Variants in SDK1 observed in about 807,000 individuals in gnomAD.
SDK1 encodes the protein sidekick cell adhesion molecule 1.
Under a neutral mutation model 245.5 loss-of-function variants are expected in SDK1, and 157 were observed. That is an observed-to-expected ratio of 0.64 (90% CI 0.56 to 0.73). The LOEUF is 0.73. Ranked by LOEUF, SDK1 falls within the 30% of genes least tolerant of loss-of-function variation. The pLI is 0.00. For synonymous variants in SDK1, 1,647 were observed against 1,278.5 expected (o/e 1.29, Z -6.15); for missense variants, 3,583 against 3,002.3 (o/e 1.19, Z -4.52).
intron 4 of SDK1, among the ~76,000 whole-genome samples, chr7:3,707,845 TC>T (rs1055189236): frequency 1.3e-5 from 2 of 152,188 alleles, no homozygotes; most frequent in African/African-American, 2.4e-5. Context: ...TGCTTTAAAG[TC>T]TGTTTTATGT....
intron 1 of SDK1, among the ~76,000 whole-genome samples, chr7:3,492,961 T>G (rs538211730): frequency 6.6e-6 from 1 of 152,298 alleles, no homozygotes; most frequent in South Asian, 2.1e-4. Flanking sequence ...TTTATTTTTC[T>G]ATTTTTTGAG....
chr7:3,609,061 T>C (rs1781508845), intron 1 of SDK1, among the ~76,000 whole-genome samples: 1 of 152,214 alleles, frequency 6.6e-6, no homozygotes, highest in African/African-American at 2.4e-5. Context: ...CTCTTAAGAA[T>C]TTTTAGTTTT....
intron 1 of SDK1, among the ~76,000 whole-genome samples, chr7:3,613,780 G>C (rs1396982965): frequency 6.6e-6 from 1 of 152,046 alleles, no homozygotes; most frequent in East Asian, 1.9e-4. Context: ...ATACACCATG[G>C]AATACTACGC....
chr7:3,508,566 G>A (rs1375442041), intron 1 of SDK1, among the ~76,000 whole-genome samples: 1 of 152,058 alleles, frequency 6.6e-6, no homozygotes, highest in African/African-American at 2.4e-5. Flanking sequence ...GACCTCAAAT[G>A]ATATACCCGC....
intron 1 of SDK1, among the ~76,000 whole-genome samples, chr7:3,479,844 A>G (rs1781457328): frequency 6.6e-6 from 1 of 151,526 alleles, no homozygotes; most frequent in Non-Finnish European, 1.5e-5. Flanking sequence ...CTTGGGCATC[A>G]GAGCGAGAGT....
chr7:3,741,997 T>TGGGA (rs1779489942), intron 4 of SDK1, among the ~76,000 whole-genome samples: 1 of 147,700 alleles, frequency 6.8e-6, no homozygotes, highest in Non-Finnish European at 1.5e-5. Context: ...CATATATATA[T>TGGGA]ATATATATAT....
intron 5 of SDK1, among the ~76,000 whole-genome samples, chr7:3,826,831 T>A (rs888125486): frequency 1.3e-5 from 2 of 152,276 alleles, no homozygotes; most frequent in Non-Finnish European, 2.9e-5. Flanking sequence ...AAACATAAGT[T>A]AAAATACTAG....
At chr7:3,339,656 G>A (rs532340764) in intron 1 of SDK1, among the ~76,000 whole-genome samples, 16 of 152,160 alleles carry the variant, frequency 1.1e-4, no homozygotes, top group Middle Eastern at 3.4e-3. Flanking sequence ...TAATTCATAC[G>A]TCAGTCTCAA....
intron 1 of SDK1, among the ~76,000 whole-genome samples, chr7:3,567,424 C>G (rs1469621526): frequency 6.6e-6 from 1 of 152,168 alleles, no homozygotes; most frequent in Non-Finnish European, 1.5e-5. Flanking sequence ...ATGGACTTTC[C>G]AAAGGCTCAT....
At chr7:3,385,314 C>T (rs1279971651) in intron 1 of SDK1, among the ~76,000 whole-genome samples, 1 of 152,128 alleles carries the variant, frequency 6.6e-6, no homozygotes, top group Non-Finnish European at 1.5e-5. Flanking sequence ...TATCCTGATA[C>T]AGGTGAAAGC....
At chr7:4,017,883 C>T (rs1240116695) in intron 17 of SDK1, among the ~76,000 whole-genome samples, 3 of 152,190 alleles carry the variant, frequency 2.0e-5, no homozygotes, top group African/African-American at 7.2e-5. Flanking sequence ...GAAAAATTGA[C>T]CAGACATAAA....
intron 1 of SDK1, among the ~76,000 whole-genome samples, chr7:3,426,387 C>G (rs903088854): frequency 1.3e-5 from 2 of 152,188 alleles, no homozygotes; most frequent in Admixed American, 6.5e-5. Context: ...TGGAGTTGGA[C>G]AGGCTGGCCT....
At chr7:3,647,937 T>G (rs1047165636) in intron 4 of SDK1, among the ~76,000 whole-genome samples, 1 of 152,148 alleles carries the variant, frequency 6.6e-6, no homozygotes, top group Non-Finnish European at 1.5e-5. Context: ...AAAAAATATC[T>G]TGGAAAGACG....
At chr7:3,945,143 T>C (rs1780522526) in intron 5 of SDK1, among the ~76,000 whole-genome samples, 1 of 152,124 alleles carries the variant, frequency 6.6e-6, no homozygotes, top group South Asian at 2.1e-4. Flanking sequence ...AGTCTACTTG[T>C]AACCCCTCAA....
intron 4 of SDK1, among the ~76,000 whole-genome samples, chr7:3,693,878 C>T (rs953946184): frequency 6.6e-6 from 1 of 152,124 alleles, no homozygotes; most frequent in Non-Finnish European, 1.5e-5. Flanking sequence ...TTTTCTCCTT[C>T]CTGCACATTT....
chr7:3,656,003 A>C (rs1783170144), intron 4 of SDK1, among the ~76,000 whole-genome samples: 1 of 152,200 alleles, frequency 6.6e-6, no homozygotes, highest in South Asian at 2.1e-4. Flanking sequence ...ACCGTGAAGT[A>C]CGCATGGTGT....
rs1448765322 is a variant in SDK1, at chr7:4,060,856, A to G, written c.2912-6982A>G. Among the ~76,000 whole-genome samples the G allele has an allele frequency of 6.6e-5, 10 of 152,134 alleles. No homozygotes were observed. The East Asian group carries it at 1.7e-3, about 26-fold the overall frequency. Reference sequence around the variant, plus strand: ...AGGGGATCCAGTTTCAGCTTTCTACATATGGCTAGCCAGTTTTCCCAGCAC... The same window carrying G: ...AGGGGATCCAGTTTCAGCTTTCTACGTATGGCTAGCCAGTTTTCCCAGCAC... On this transcript the variant is annotated intron_variant, in intron 19 of 44. Transcript: ENST00000404826.
intron 1 of SDK1, among the ~76,000 whole-genome samples, chr7:3,586,902 C>T (rs1437809536): frequency 2.0e-5 from 3 of 152,006 alleles, no homozygotes; most frequent in African/African-American, 4.8e-5. Flanking sequence ...TGAGAGCCAG[C>T]GTATTAAGGG....
At chr7:3,605,077 T>G (rs1781377451) in intron 1 of SDK1, among the ~76,000 whole-genome samples, 1 of 151,884 alleles carries the variant, frequency 6.6e-6, no homozygotes, top group South Asian at 2.1e-4. Context: ...TTTAGGTTTG[T>G]TTACTAGTCT....
Sources: gnomAD v4.1 joint callset for allele counts (sites outside exome capture counted in the v4.1 genomes callset) on GRCh38, gnomAD v4.1.1 for gene constraint, MANE v1.5 for transcripts, NCBI Gene and HGNC (gene_info 2026-07-23, HGNC 2026-07-21) for gene names.